Variants in TMEM233 observed in about 807,000 individuals in gnomAD.
TMEM233 encodes dispanin subfamily B member 2.
A neutral mutation model predicts 11.2 loss-of-function variants in TMEM233; 6 were observed. That is an observed-to-expected ratio of 0.54 (90% CI 0.29 to 1.06). The LOEUF (loss-of-function observed/expected upper bound fraction) is 1.06, where lower values mean the gene tolerates loss of function less well. Among genes scored for constraint, TMEM233 ranks in the 50% least tolerant of loss-of-function variants. TMEM233 has a pLI of 0.08. For missense variants in TMEM233, 127 were observed against 144.7 expected, an observed-to-expected ratio of 0.88 and a Z score of 0.63; for synonymous variants, 59 against 55.8, an observed-to-expected ratio of 1.06 and a Z score of -0.26.
At chr12:119,645,402 T>C (rs1955137570), downstream of TMEM233, among the ~76,000 whole-genome samples, 1 of 151,110 alleles carries the variant, frequency 6.6e-6, no homozygotes, top group African/African-American at 2.4e-5. Flanking sequence ...CTCACGAATA[T>C]TGAATATTTA....
intron 1 of TMEM233, among the ~76,000 whole-genome samples, chr12:119,615,185 A>AACAAAAAAAC (rs1566103766): frequency 7.0e-6 from 1 of 142,074 alleles, no homozygotes; most frequent in African/African-American, 2.9e-5. Flanking sequence ...AAAAAAAAAA[A>AACAAAAAAAC]AAAAAAAAAA....
intron 1 of TMEM233, among the ~76,000 whole-genome samples, chr12:119,629,130 C>T (rs1954824052): frequency 6.6e-6 from 1 of 152,182 alleles, no homozygotes; most frequent in African/African-American, 2.4e-5. Context: ...AGACAGAAGG[C>T]CGGGCGTGGT....
rs551605582 is a variant in TMEM233, at chr12:119,599,297, G to A, written c.186+5263G>A. ...ATAACTTAAAGAGTGTAATTGCATT[G>A]TCTGTAACGTAAAGGATAAATTCTT... On this transcript the variant is annotated intron_variant, in intron 1 of 2. Coordinates refer to ENST00000426426, the MANE Select transcript of TMEM233 (RefSeq NM_001136534.3). Among the ~76,000 whole-genome samples, 3 of 152,238 alleles carry A rather than the reference G, an allele frequency of 2.0e-5. No homozygotes were observed. In the East Asian group the frequency reaches 5.8e-4, roughly 29 times the overall value.
At chr12:119,624,028 G>A (rs1462081108) in intron 1 of TMEM233, among the ~76,000 whole-genome samples, 1 of 152,078 alleles carries the variant, frequency 6.6e-6, no homozygotes, top group African/African-American at 2.4e-5. Context: ...ACATAGACCA[G>A]AAGTTTTCAA....
At position 119,593,810 on chromosome 12, in the gene TMEM233, G is replaced by T; in HGVS notation, c.-39G>T. 1.3e-6 allele frequency: 2 copies of T among 1,543,164 alleles called. No individual in the cohort carries two copies. Among genetic ancestry groups the T allele is most frequent in the Non-Finnish European group, 1.8e-6 (2 of 1,141,852 alleles). ...GCCAGAGCCCCAGACCACACAGACC[G>T]TGCGCTCCTCCGCCCTCCCGGCGCC... is the stretch of plus-strand genomic sequence containing the variant. On this transcript the variant is annotated 5_prime_UTR_variant, in exon 1 of 3. Transcript: ENST00000426426. The surrounding 1 kb of genome is among the most constrained non-coding windows in gnomAD (Gnocchi z 4.1).
intron 2 of TMEM233, 118 bp from the exon 3 acceptor site, chr12:119,640,581 C>T (rs1955065881): frequency 1.3e-5 from 15 of 1,145,040 alleles, no homozygotes; most frequent in Admixed American, 1.2e-4. Flanking sequence ...TGGTACATTT[C>T]AACATGTGTT....
intron 2 of TMEM233, among the ~76,000 whole-genome samples, chr12:119,633,561 T>C (rs748126722): frequency 5.9e-5 from 9 of 152,138 alleles, no homozygotes; most frequent in Non-Finnish European, 1.0e-4. Flanking sequence ...CACTCTAGCC[T>C]ACATGACAGA....
rs1954037721 is a variant in TMEM233 at position 119,595,970 on chromosome 12, G to T, written c.186+1936G>T. Among the ~76,000 whole-genome samples, 1 of 152,208 alleles carries T rather than the reference G, an allele frequency of 6.6e-6. No individual in the cohort carries two copies. Among genetic ancestry groups the T allele is most frequent in the South Asian group, 2.1e-4 (1 of 4,834 alleles). On this transcript the variant is annotated intron_variant, in intron 1 of 2. Coordinates refer to ENST00000426426, the MANE Select transcript of TMEM233 (RefSeq NM_001136534.3). The surrounding 1 kb of genome is among the most constrained non-coding windows in gnomAD (Gnocchi z 4.3). ...CTAGAAGAAAATGTGGCACGTGGTA[G>T]ATGCTTAATAAGTATCATGAAATGA...
downstream of TMEM233, among the ~76,000 whole-genome samples, chr12:119,643,565 G>A (rs534423301): frequency 6.6e-6 from 1 of 152,146 alleles, no homozygotes; most frequent in South Asian, 2.1e-4. Context: ...TCAGGCTAGC[G>A]AGACCATCCT....
intron 2 of TMEM233, among the ~76,000 whole-genome samples, chr12:119,637,686 G>T (rs939315112): frequency 6.6e-6 from 1 of 152,116 alleles, no homozygotes; most frequent in Non-Finnish European, 1.5e-5. Flanking sequence ...AGGTTAGAAG[G>T]GTCTTTCTCT....
intron 1 of TMEM233, among the ~76,000 whole-genome samples, chr12:119,596,258 C>T (rs1954046301): frequency 6.6e-6 from 1 of 152,214 alleles, no homozygotes; most frequent in Admixed American, 6.5e-5. Context: ...AGCCAATTCA[C>T]TCCTTTCCCA....
At chr12:119,629,178 G>A (rs1954825826) in intron 1 of TMEM233, among the ~76,000 whole-genome samples, 1 of 152,366 alleles carries the variant, frequency 6.6e-6, no homozygotes, top group African/African-American at 2.4e-5. Context: ...GGGAGACCAA[G>A]GTGGATGGAT....
chr12:119,618,371 C>T (rs1246828563), intron 1 of TMEM233, among the ~76,000 whole-genome samples: 1 of 152,184 alleles, frequency 6.6e-6, no homozygotes, highest in Non-Finnish European at 1.5e-5. Flanking sequence ...TGGGGCACTG[C>T]CTAGTGGAGC....
chr12:119,599,836 T>G (rs1954123039), intron 1 of TMEM233, among the ~76,000 whole-genome samples: 1 of 152,064 alleles, frequency 6.6e-6, no homozygotes, highest in Non-Finnish European at 1.5e-5. Context: ...TTCTCTCTGG[T>G]AAGATTAAAC....
chr12:119,626,527 G>T (rs1954764671), intron 1 of TMEM233, among the ~76,000 whole-genome samples: 1 of 43,178 alleles, frequency 2.3e-5, no homozygotes, highest in East Asian at 3.4e-4. Context: ...GGAGAAGGGA[G>T]AAGGGAGAAG....
In TMEM233 at chr12:119,594,808, A is replaced by G. The variant is rs1954001919; in HGVS notation, c.186+774A>G. ...CTCCCCGTGTGCCCCCCTCACCAGC[A>G]AAGTGGGTGCGCCTCTCTTACTCTT... is the stretch of plus-strand genomic sequence containing the variant. On this transcript the variant is annotated intron_variant, in intron 1 of 2. Coordinates refer to ENST00000426426, the MANE Select transcript of TMEM233 (RefSeq NM_001136534.3). The surrounding 1 kb of genome is among the most constrained non-coding windows in gnomAD (Gnocchi z 5.6). Among the ~76,000 whole-genome samples the G allele has an allele frequency of 6.6e-6, 1 of 151,962 alleles. No individual in the cohort carries two copies. The highest frequency in any genetic ancestry group is 2.4e-5 in the African/African-American group (1 of 41,374).
intron 1 of TMEM233, among the ~76,000 whole-genome samples, chr12:119,597,847 G>A (rs1035915893): frequency 1.3e-5 from 2 of 152,278 alleles, no homozygotes; most frequent in South Asian, 2.1e-4. Flanking sequence ...TTTGAGGGAC[G>A]CATGTCTCAA....
At chr12:119,613,233 G>A (rs1051667311) in intron 1 of TMEM233, among the ~76,000 whole-genome samples, 3 of 148,222 alleles carry the variant, frequency 2.0e-5, no homozygotes, top group African/African-American at 7.4e-5. Flanking sequence ...AAAAAAAAGG[G>A]CTACAGGTTG....
At chr12:119,614,298 T>C (rs1433672626) in intron 1 of TMEM233, among the ~76,000 whole-genome samples, 1 of 151,922 alleles carries the variant, frequency 6.6e-6, no homozygotes, top group African/African-American at 2.4e-5. Context: ...TCCCAGCTAC[T>C]TGGCAGGCTG....
Sources: gnomAD v4.1 joint callset for allele counts (sites outside exome capture counted in the v4.1 genomes callset) on GRCh38, gnomAD v4.1.1 for gene constraint, Gnocchi (gnomAD v3.1) non-coding constraint, MANE v1.5 for transcripts, NCBI Gene and HGNC (gene_info 2026-07-23, HGNC 2026-07-21) for gene names.